ARMH4: variants seen among roughly 807,000 people sequenced by gnomAD.
ARMH4 encodes the protein armadillo like helical domain containing 4.
In ARMH4, 49 loss-of-function variants were observed where a neutral mutation model predicts 61.9. The ratio of observed to expected loss-of-function variants is 0.79; its 90% confidence interval spans 0.63 to 1.00. The LOEUF is 1.00. Among genes scored for constraint, ARMH4 ranks in the 50% least tolerant of loss-of-function variants. ARMH4 has a pLI of 0.00. For missense variants in ARMH4, 934 were observed against 930.0 expected (o/e 1.00, Z -0.06); for synonymous variants, 368 against 341.5 (o/e 1.08, Z -0.85).
intron 5 of ARMH4, among the ~76,000 whole-genome samples, chr14:58,054,884 A>T (rs76382716): frequency 5.3e-4 from 54 of 101,936 alleles, no homozygotes; most frequent in African/African-American, 1.1e-3. Context: ...AAAAAAAAAA[A>T]ATAATAATAA....
At chr14:58,098,085 G>A (rs1885819835) in intron 4 of ARMH4, among the ~76,000 whole-genome samples, 1 of 152,074 alleles carries the variant, frequency 6.6e-6, no homozygotes, top group South Asian at 2.1e-4. Context: ...AGCAGTTACT[G>A]CAACAGGTAA....
At chr14:58,141,692 A>T in intron 1 of ARMH4, 1 of 336,526 alleles carries the variant, frequency 3.0e-6, no homozygotes, top group Non-Finnish European at 5.6e-6. Context: ...GAAGGGCAGC[A>T]GCCTTCTGCC....
intron 4 of ARMH4, chr14:58,116,518 A>G: frequency 4.1e-6 from 1 of 242,874 alleles, no homozygotes; most frequent in South Asian, 4.1e-5. Flanking sequence ...CTACAAAAAA[A>G]TACAAAAGTT....
chr14:58,015,013 G>A (rs984314612), intron 5 of ARMH4, among the ~76,000 whole-genome samples: 1 of 152,204 alleles, frequency 6.6e-6, no homozygotes, highest in Non-Finnish European at 1.5e-5. Context: ...TGGAGAAGAG[G>A]AAAAGGAGGC....
At chr14:58,041,737 G>C (rs948809800) in intron 5 of ARMH4, among the ~76,000 whole-genome samples, 3 of 152,092 alleles carry the variant, frequency 2.0e-5, no homozygotes, top group Non-Finnish European at 1.5e-5. Flanking sequence ...TCAAAATAAA[G>C]GGATGGAGGA....
chr14:58,118,491 C>T (rs1210690064), intron 4 of ARMH4, among the ~76,000 whole-genome samples: 1 of 117,060 alleles, frequency 8.5e-6, no homozygotes, highest in Non-Finnish European at 1.6e-5. Flanking sequence ...TTGGTCTTGG[C>T]TCTTCTATGC....
chr14:58,032,794 C>CG (rs1203155106), intron 5 of ARMH4, among the ~76,000 whole-genome samples: 8 of 152,152 alleles, frequency 5.3e-5, no homozygotes, highest in Non-Finnish European at 8.8e-5. Flanking sequence ...AGGTGACGGA[C>CG]GCACCTGGAA....
At chr14:58,059,779 TAC>T (rs1884468898) in intron 5 of ARMH4, among the ~76,000 whole-genome samples, 1 of 152,206 alleles carries the variant, frequency 6.6e-6, no homozygotes, top group Admixed American at 6.5e-5. Context: ...GGAAAAATTT[TAC>T]ACTCTTGTTC....
chr14:58,079,810 G>C (rs1205001189), intron 5 of ARMH4, among the ~76,000 whole-genome samples: 1 of 152,118 alleles, frequency 6.6e-6, no homozygotes, highest in African/African-American at 2.4e-5. Context: ...CTCTTTTCTA[G>C]AATTGAACCT....
chr14:58,023,612 A>G (rs1882921739), intron 5 of ARMH4, among the ~76,000 whole-genome samples: 1 of 152,196 alleles, frequency 6.6e-6, no homozygotes, highest in South Asian at 2.1e-4. Flanking sequence ...CTTCCCATGA[A>G]TCATGAATGT....
intron 5 of ARMH4, among the ~76,000 whole-genome samples, chr14:58,028,484 T>A (rs771717165): frequency 3.9e-5 from 6 of 152,196 alleles, no homozygotes; most frequent in Non-Finnish European, 8.8e-5. Context: ...AGGTGCTCCT[T>A]TGATGTTCCC....
At chr14:58,103,866 A>G (rs1886082275) in intron 4 of ARMH4, among the ~76,000 whole-genome samples, 2 of 152,316 alleles carry the variant, frequency 1.3e-5, no homozygotes, top group South Asian at 4.1e-4. Flanking sequence ...CTGATCTCCT[A>G]GGATCACTGT....
rs78116107 is a variant in ARMH4 at position 58,074,191 on chromosome 14, C to T, written c.2089+22533G>A. Among the ~76,000 whole-genome samples the T allele has an allele frequency of 5.6e-3, 848 of 152,326 alleles. 13 individuals carry two copies. Among genetic ancestry groups the T allele is most frequent in the African/African-American group, 0.019 (805 of 41,580 alleles). On this transcript the variant is annotated intron_variant, in intron 5 of 7. Coordinates refer to ENST00000267485, the MANE Select transcript of ARMH4 (RefSeq NM_001001872.4). ...CTCATGGGGACAACCTCATGCCAGG[C>T]TGCAAGTCCCATGCAGCCAATTGAT...
intron 1 of ARMH4, among the ~76,000 whole-genome samples, chr14:58,144,593 C>T (rs898440803): frequency 1.3e-5 from 2 of 151,980 alleles, no homozygotes; most frequent in African/African-American, 4.8e-5. Context: ...TGAGGCCTGG[C>T]GCAGTGGCTC....
chr14:58,103,650 G>C (rs1886075680), intron 4 of ARMH4, among the ~76,000 whole-genome samples: 1 of 151,664 alleles, frequency 6.6e-6, no homozygotes, highest in African/African-American at 2.4e-5. Flanking sequence ...GTGCAGTAAT[G>C]TGCACATGGC....
intron 6 of ARMH4, among the ~76,000 whole-genome samples, chr14:58,009,829 G>A (rs11158191): frequency 0.074 from 8,427 of 113,480 alleles, 456 homozygotes; most frequent in African/African-American, 0.13. Flanking sequence ...AAAAAAAAAA[G>A]AGAGAGAGAG....
intron 6 of ARMH4, among the ~76,000 whole-genome samples, chr14:58,008,314 G>A (rs771502061): frequency 7.2e-5 from 11 of 152,080 alleles, no homozygotes; most frequent in Non-Finnish European, 1.5e-4. Flanking sequence ...CAAACAGCAG[G>A]CGCATCCAGG....
chr14:58,144,729 A>G lies in ARMH4; in HGVS notation c.-56-5315T>C, dbSNP rs192259092. ...AAAAATACAAAAAAATTAGCCGGGC[A>G]TGGTGGCGGGCGCCTGTAGTCCCAG... On this transcript the variant is annotated intron_variant, in intron 1 of 7. Transcript: ENST00000267485. Among the ~76,000 whole-genome samples the G allele has an allele frequency of 8.7e-3, 1,324 of 152,142 alleles. 20 individuals carry two copies. Among genetic ancestry groups the G allele is most frequent in the African/African-American group, 0.03 (1,247 of 41,522 alleles).
chr14:58,088,078 AT>A (rs1475741572), intron 5 of ARMH4, among the ~76,000 whole-genome samples: 2 of 152,184 alleles, frequency 1.3e-5, no homozygotes, highest in Non-Finnish European at 2.9e-5. Context: ...TATTTAACCT[AT>A]TTATAACCTA....
Sources: allele counts gnomAD v4.1 joint callset (sites outside exome capture counted in the v4.1 genomes callset), GRCh38; gene constraint gnomAD v4.1.1; transcripts MANE v1.5; gene names NCBI Gene and HGNC (gene_info 2026-07-23, HGNC 2026-07-21).